Variants in NRXN3 observed in about 807,000 individuals in gnomAD.
NRXN3 encodes the protein neurexin 3, also known as neurexin III.
A neutral mutation model predicts 137.6 loss-of-function variants in NRXN3; 32 were observed. That is an observed-to-expected ratio of 0.23 (90% CI 0.18 to 0.31). The LOEUF (loss-of-function observed/expected upper bound fraction) is 0.31, where lower values mean the gene tolerates loss of function less well. Among genes scored for constraint, NRXN3 ranks in the 10% least tolerant of loss-of-function variants. The pLI is 1.00. For missense variants in NRXN3, 1,574 were observed against 2,062.5 expected, an observed-to-expected ratio of 0.76 and a Z score of 4.59; for synonymous variants, 798 against 784.5, an observed-to-expected ratio of 1.02 and a Z score of -0.29.
intron 16 of NRXN3, among the ~76,000 whole-genome samples, chr14:79,535,641 A>G (rs2097204470): frequency 6.6e-6 from 1 of 152,178 alleles, no homozygotes; most frequent in Non-Finnish European, 1.5e-5. Context: ...CAGGCATTCT[A>G]TATACTTTAT....
At chr14:78,638,127 A>G (rs1217336859) in intron 4 of NRXN3, among the ~76,000 whole-genome samples, 26 of 152,108 alleles carry the variant, frequency 1.7e-4, no homozygotes, top group Admixed American at 1.7e-3. Context: ...TTTCCTTCTC[A>G]TCACTTTCAA....
chr14:79,174,685 G>A (rs972168841), intron 15 of NRXN3, among the ~76,000 whole-genome samples: 1 of 150,520 alleles, frequency 6.6e-6, no homozygotes, highest in Non-Finnish European at 1.5e-5. Flanking sequence ...TAGAAAAATG[G>A]AATTAAGTAA....
chr14:79,235,427 T>G (rs1228049778), intron 15 of NRXN3, among the ~76,000 whole-genome samples: 1 of 152,184 alleles, frequency 6.6e-6, no homozygotes, highest in Non-Finnish European at 1.5e-5. Context: ...ATGTGTGGAT[T>G]AAAGTCTGAC....
intron 15 of NRXN3, among the ~76,000 whole-genome samples, chr14:79,416,494 A>G (rs2095499088): frequency 6.6e-6 from 1 of 152,192 alleles, no homozygotes; most frequent in Admixed American, 6.5e-5. Flanking sequence ...ATGTAAATGA[A>G]GAACATTAAC....
At chr14:78,905,986 T>G (rs1325259141) in intron 10 of NRXN3, among the ~76,000 whole-genome samples, 2 of 151,938 alleles carry the variant, frequency 1.3e-5, no homozygotes, top group Non-Finnish European at 2.9e-5. Context: ...CTGGAATAAT[T>G]TATGTTCTAT....
At chr14:78,716,629 T>C (rs1249178638) in intron 8 of NRXN3, among the ~76,000 whole-genome samples, 1 of 152,170 alleles carries the variant, frequency 6.6e-6, no homozygotes, top group Non-Finnish European at 1.5e-5. Flanking sequence ...AGATAGGTGA[T>C]GTGGATGGAT....
intron 4 of NRXN3, among the ~76,000 whole-genome samples, chr14:78,543,182 A>T (rs2096607220): frequency 6.6e-6 from 1 of 152,170 alleles, no homozygotes; most frequent in Non-Finnish European, 1.5e-5. Context: ...TGGGAAGGGT[A>T]GAGGCAATAT....
intron 19 of NRXN3, among the ~76,000 whole-genome samples, chr14:79,775,809 T>C (rs1435403671): frequency 6.6e-6 from 1 of 152,164 alleles, no homozygotes; most frequent in Non-Finnish European, 1.5e-5. Flanking sequence ...TTCTGTCTGA[T>C]TTTGGGCATC....
chr14:79,710,178 G>GTTCTT (rs2098797976), intron 19 of NRXN3, among the ~76,000 whole-genome samples: 1 of 151,814 alleles, frequency 6.6e-6, no homozygotes, highest in Non-Finnish European at 1.5e-5. Context: ...TTTTGCATGT[G>GTTCTT]TTCTTTTGTC....
At chr14:78,468,516 A>T (rs1567677519) in intron 4 of NRXN3, among the ~76,000 whole-genome samples, 2 of 152,176 alleles carry the variant, frequency 1.3e-5, no homozygotes, top group African/African-American at 2.4e-5. Flanking sequence ...ACAGAGAAGC[A>T]GGGAAAGAAA....
intron 19 of NRXN3, among the ~76,000 whole-genome samples, chr14:79,727,978 C>T (rs1828822517): frequency 6.6e-6 from 1 of 152,128 alleles, no homozygotes; most frequent in African/African-American, 2.4e-5. Flanking sequence ...CTGCAAGGCA[C>T]CTCTTGGCAG....
At chr14:79,301,203 C>T (rs1358943409) in intron 15 of NRXN3, among the ~76,000 whole-genome samples, 1 of 152,076 alleles carries the variant, frequency 6.6e-6, no homozygotes, top group Non-Finnish European at 1.5e-5. Context: ...TGCAACAAAG[C>T]CCAGGTTCCC....
intron 10 of NRXN3, among the ~76,000 whole-genome samples, chr14:78,841,112 G>C (rs1041902131): frequency 1.3e-5 from 2 of 152,058 alleles, no homozygotes; most frequent in Non-Finnish European, 2.9e-5. Context: ...AAGAGTCTGA[G>C]TGTTTTTTCA....
At chr14:79,217,286 G>A (rs1309452175) in intron 15 of NRXN3, among the ~76,000 whole-genome samples, 1 of 152,178 alleles carries the variant, frequency 6.6e-6, no homozygotes, top group African/African-American at 2.4e-5. Context: ...AGCAGGAACA[G>A]CACATCACAT....
At chr14:79,851,809 G>C (rs537908381) in intron 20 of NRXN3, among the ~76,000 whole-genome samples, 14 of 152,246 alleles carry the variant, frequency 9.2e-5, no homozygotes, top group South Asian at 8.3e-4. Flanking sequence ...CTCTCCGTGT[G>C]CATACATGTG....
intron 4 of NRXN3, among the ~76,000 whole-genome samples, chr14:78,535,617 G>C (rs930662744): frequency 6.6e-6 from 1 of 152,190 alleles, no homozygotes; most frequent in African/African-American, 2.4e-5. Flanking sequence ...ATGAGAGAAA[G>C]AGGAGGAGGA....
intron 19 of NRXN3, among the ~76,000 whole-genome samples, chr14:79,729,280 T>A (rs955323045): frequency 6.6e-6 from 1 of 152,212 alleles, no homozygotes; most frequent in African/African-American, 2.4e-5. Context: ...AATGGGGATA[T>A]TGTGTTACTC....
At chr14:78,686,872 C>G (rs932944787) in intron 6 of NRXN3, among the ~76,000 whole-genome samples, 2 of 152,094 alleles carry the variant, frequency 1.3e-5, no homozygotes, top group African/African-American at 4.8e-5. Flanking sequence ...CCTAAGCATA[C>G]AGCAATGAAT....
At chr14:78,173,366 C>A (rs1445381544) in intron 1 of NRXN3, among the ~76,000 whole-genome samples, 2 of 151,988 alleles carry the variant, frequency 1.3e-5, no homozygotes, top group African/African-American at 4.8e-5. Context: ...TAGCCCACTG[C>A]TGCAAAACTG....
Sources: gnomAD v4.1 joint callset for allele counts (sites outside exome capture counted in the v4.1 genomes callset) on GRCh38, gnomAD v4.1.1 for gene constraint, MANE v1.5 for transcripts, NCBI Gene and HGNC (gene_info 2026-07-23, HGNC 2026-07-21) for gene names.